The following FOXP1 variants were observed in gnomAD, a reference collection of about 807,000 sequenced individuals.
The protein encoded by FOXP1 is forkhead box protein P1.
A neutral mutation model predicts 98.2 loss-of-function variants in FOXP1; 15 were observed. That is an observed-to-expected ratio of 0.15 (90% confidence interval 0.10 to 0.24). The LOEUF (loss-of-function observed/expected upper bound fraction) is 0.24, where lower values mean the gene tolerates loss of function less well. Ranked by LOEUF, FOXP1 falls within the 10% of genes least tolerant of loss-of-function variation. The pLI is 1.00. For synonymous variants in FOXP1, 371 were observed against 314.5 expected, an observed-to-expected ratio of 1.18 and a Z score of -1.90; for missense variants, 633 against 848.5, an observed-to-expected ratio of 0.75 and a Z score of 3.15.
At chr3:71,082,613 T>G (rs1474465102) in intron 7 of FOXP1, among the ~76,000 whole-genome samples, 1 of 116,120 alleles carries the variant, frequency 8.6e-6, no homozygotes, top group African/African-American at 3.1e-5. Context: ...AACCCAGAAC[T>G]TAAAGTATAA....
In FOXP1 at chr3:71,122,981, T is replaced by A. The variant is rs115068809; in HGVS notation, c.181-10344A>T. Among the ~76,000 whole-genome samples, 1,105 of 152,202 alleles carry A rather than the reference T, an allele frequency of 7.3e-3. 5 individuals are homozygous for A. Among genetic ancestry groups the A allele is most frequent in the South Asian group, 0.013 (61 of 4,814 alleles). On this transcript the variant is annotated intron_variant, in intron 6 of 20. Transcript: ENST00000649528. ...TGAAAGGAAGGGTCTTTTCTCAGTG[T>A]CACACCTTCTAACTTTAATCTCCCT... is the stretch of plus-strand genomic sequence containing the variant.
At chr3:71,357,831 T>G (rs183371124) in intron 4 of FOXP1, among the ~76,000 whole-genome samples, 361 of 152,328 alleles carry the variant, frequency 2.4e-3, no homozygotes, top group Non-Finnish European at 2.2e-3. Context: ...TTCCCAGATG[T>G]TTTTACGACA....
At chr3:71,210,903 T>G (rs1044036045) in intron 5 of FOXP1, 3 of 152,204 alleles carry the variant, frequency 2.0e-5, no homozygotes, top group Admixed American at 6.5e-5. Flanking sequence ...AGTTTTTATT[T>G]TCTTTTCCTG....
intron 7 of FOXP1, among the ~76,000 whole-genome samples, chr3:71,088,111 G>C (rs930557343): frequency 3.3e-5 from 5 of 152,210 alleles, no homozygotes; most frequent in Non-Finnish European, 7.3e-5. Context: ...AGATGCTGGG[G>C]AATAGATGGA....
chr3:71,123,801 T>C (rs2058954014), intron 6 of FOXP1, among the ~76,000 whole-genome samples: 1 of 152,340 alleles, frequency 6.6e-6, no homozygotes, highest in Admixed American at 6.5e-5. Context: ...GGGTGCTAAA[T>C]TACTGTGTTA....
chr3:71,169,160 T>A (rs780758479), intron 6 of FOXP1, among the ~76,000 whole-genome samples: 2 of 152,204 alleles, frequency 1.3e-5, no homozygotes, highest in Non-Finnish European at 2.9e-5. Context: ...TGTATTTGAC[T>A]ATTTCATCGA....
intron 5 of FOXP1, among the ~76,000 whole-genome samples, chr3:71,260,042 G>C (rs2068964621): frequency 6.6e-6 from 1 of 152,188 alleles, no homozygotes; most frequent in African/African-American, 2.4e-5. Context: ...GGAGTGCAGC[G>C]GCGCAATCTC....
rs540859388 is a variant in FOXP1, at chr3:71,237,760, C to T, written c.-11-39368G>A. On this transcript the variant is annotated intron_variant, in intron 5 of 20. Transcript: ENST00000649528. ...GGGGATATGTGTAAACACATATGGA[C>T]CCACATATCTATAAGTTCCACAGCT... is the stretch of plus-strand genomic sequence containing the variant. Among the ~76,000 whole-genome samples, 6 of 152,234 alleles carry T rather than the reference C, an allele frequency of 3.9e-5. No individual in the cohort carries two copies. In the South Asian group the frequency reaches 8.3e-4, roughly 21 times the overall value.
intron 7 of FOXP1, among the ~76,000 whole-genome samples, chr3:71,076,369 C>G (rs73119667): frequency 9.1e-4 from 138 of 152,262 alleles, no homozygotes; most frequent in African/African-American, 3.1e-3. Context: ...TTAACAAATA[C>G]GTACATACGC....
At chr3:71,289,656 T>C (rs1292822479) in intron 5 of FOXP1, 1 of 152,112 alleles carries the variant, frequency 6.6e-6, no homozygotes, top group African/African-American at 2.4e-5. Flanking sequence ...ATTTTTATTT[T>C]ACTTTTTTGA....
At chr3:71,105,587 A>G (rs2057354541) in intron 7 of FOXP1, among the ~76,000 whole-genome samples, 2 of 152,236 alleles carry the variant, frequency 1.3e-5, no homozygotes, top group Admixed American at 1.3e-4. Flanking sequence ...ATTTTTGACC[A>G]GTCAAGTATG....
At chr3:71,289,525 C>T (rs1346141609) in intron 5 of FOXP1, 1 of 151,622 alleles carries the variant, frequency 6.6e-6, no homozygotes, top group Non-Finnish European at 1.5e-5. Flanking sequence ...AGCTTTGTTT[C>T]CTACTTTAAA....
intron 5 of FOXP1, among the ~76,000 whole-genome samples, chr3:71,250,520 T>A (rs1304473117): frequency 6.6e-6 from 1 of 152,240 alleles, no homozygotes; most frequent in Non-Finnish European, 1.5e-5. Flanking sequence ...AGAATTTCCA[T>A]ATTCATGACA....
chr3:71,451,019 C>A (rs2086901552), intron 3 of FOXP1, among the ~76,000 whole-genome samples: 1 of 152,192 alleles, frequency 6.6e-6, no homozygotes, highest in Admixed American at 6.5e-5. Context: ...AAAATCAAAT[C>A]TCAAAATCCT....
chr3:71,425,690 G>T (rs1031587730), intron 3 of FOXP1, among the ~76,000 whole-genome samples: 3 of 151,748 alleles, frequency 2.0e-5, no homozygotes, highest in Non-Finnish European at 4.4e-5. Flanking sequence ...TTTTAAAGGT[G>T]GGGGGGCTCT....
chr3:71,423,629 G>A (rs915160809), intron 3 of FOXP1, among the ~76,000 whole-genome samples: 3 of 152,236 alleles, frequency 2.0e-5, no homozygotes, highest in African/African-American at 7.2e-5. Flanking sequence ...CATAGAACCA[G>A]AATTAGAGAG....
chr3:71,551,157 G>A (rs898423392), intron 2 of FOXP1, among the ~76,000 whole-genome samples: 1 of 152,112 alleles, frequency 6.6e-6, no homozygotes, highest in African/African-American at 2.4e-5. Flanking sequence ...TCGTGTTCTG[G>A]CTTAAATGTT....
rs552367788 is a variant in FOXP1 at position 71,537,696 on chromosome 3, A to C, written c.-298+43853T>G. On this transcript the variant is annotated intron_variant, in intron 2 of 20. Transcript: ENST00000649528. ...ACTGCTTCATCTTTGAAATAGGGAC[A>C]AGAATAATACCTCCTCTAATGAAGC... Among the ~76,000 whole-genome samples the C allele has an allele frequency of 1.1e-4, 16 of 152,328 alleles. No individual in the cohort carries two copies. In the South Asian group the frequency reaches 2.9e-3, roughly 28 times the overall value.
At chr3:71,021,321 C>A (rs1175727828) in intron 11 of FOXP1, among the ~76,000 whole-genome samples, 1 of 152,174 alleles carries the variant, frequency 6.6e-6, no homozygotes, top group Non-Finnish European at 1.5e-5. Context: ...TGGCTTCTTT[C>A]ACTTCCCATA....
Sources: gnomAD v4.1 joint callset for allele counts (sites outside exome capture counted in the v4.1 genomes callset) on GRCh38, gnomAD v4.1.1 for gene constraint, MANE v1.5 for transcripts, NCBI Gene and HGNC (gene_info 2026-07-23, HGNC 2026-07-21) for gene names.